Variants in IQCH observed in about 807,000 individuals in gnomAD.
The protein encoded by IQCH is IQ motif containing H, also known as IQ domain-containing protein H.
IQCH carries 98 observed loss-of-function variants against 117.0 expected under a neutral mutation model. That is an observed-to-expected ratio of 0.84 (90% confidence interval 0.71 to 0.99). IQCH has a LOEUF of 0.99. IQCH is among the 50% of genes least tolerant of loss of function. The pLI is 0.00. For missense variants in IQCH, 1,102 were observed against 1,243.8 expected, an observed-to-expected ratio of 0.89 and a Z score of 1.72; for synonymous variants, 412 against 448.2, an observed-to-expected ratio of 0.92 and a Z score of 1.02.
At chr15:67,468,035 T>TGACC (rs2082977116) in intron 17 of IQCH, among the ~76,000 whole-genome samples, 3 of 152,158 alleles carry the variant, frequency 2.0e-5, no homozygotes, top group Non-Finnish European at 4.4e-5. Flanking sequence ...AAAGAACCAC[T>TGACC]TGAAGGTGTA....
At chr15:67,351,004 G>A (rs1305758579) in intron 6 of IQCH, among the ~76,000 whole-genome samples, 2 of 152,190 alleles carry the variant, frequency 1.3e-5, no homozygotes, top group South Asian at 4.1e-4. Context: ...TACTGAATTA[G>A]AGTCTTGAAG....
chr15:67,257,836 A>G (rs974319758), intron 1 of IQCH, among the ~76,000 whole-genome samples: 2 of 152,268 alleles, frequency 1.3e-5, no homozygotes, highest in Non-Finnish European at 2.9e-5. Flanking sequence ...CAACAATTGT[A>G]TGTTAACAAT....
intron 16 of IQCH, among the ~76,000 whole-genome samples, chr15:67,423,596 A>C (rs1014701806): frequency 5.3e-5 from 8 of 151,028 alleles, no homozygotes; most frequent in African/African-American, 1.9e-4. Context: ...TCAAAAAAAA[A>C]AAAAAAAGAA....
In IQCH at chr15:67,344,095, C is replaced by T. The variant is rs1969282824; in HGVS notation, c.541C>T (p.Pro181Ser). Reference sequence around the variant, plus strand: ...AAGTATGATAGAACGAGGGCTGATTCCACCAACAGCAAGGATTACCTTTCA... The same window carrying T: ...AAGTATGATAGAACGAGGGCTGATTTCACCAACAGCAAGGATTACCTTTCA... ...ILSMIERGLI[P>S]PTARITFQNP... Residue 181 changes from proline to serine, a missense_variant, in exon 6 of 21, where the codon CCA (proline) becomes TCA (serine). By Grantham distance (74) the Pro-to-Ser change is moderately conservative. This residue lies in a region of IQCH where 452 missense variants were observed against 449.6 expected (regional missense o/e 1.01). Coordinates refer to ENST00000335894, the MANE Select transcript of IQCH (RefSeq NM_001031715.3). 5.6e-6 allele frequency: 9 copies of T among 1,612,796 alleles called. No homozygotes were observed. The highest frequency in any genetic ancestry group is 7.6e-6 in the Non-Finnish European group (9 of 1,179,028).
At position 67,395,682 on chromosome 15, in the gene IQCH, A is replaced by G. The variant is rs1357519167; in HGVS notation, c.1905+119A>G. ...CAATGAAGAATAGGTGGAATATTTG[A>G]GTTGATTTGAGGGAATCTACTTTAT... On this transcript the variant is annotated intron_variant, in intron 13 of 20. Transcript: ENST00000335894. This position sits in a 1 kb window ranked among gnomAD's most constrained non-coding sequence, Gnocchi z 4.0. 3.1e-6 allele frequency: 2 copies of G among 642,562 alleles called. No individual in the cohort carries two copies. The highest frequency in any genetic ancestry group is 2.9e-5 in the South Asian group (1 of 34,558). 39.8% of individuals were successfully genotyped at this position (642,562 alleles called of 1,614,324 possible). A position where few individuals can be genotyped will look rare whatever the true frequency, so the allele number is the denominator to read the frequency against.
chr15:67,329,845 CATAT>C (rs1160476860), intron 4 of IQCH, among the ~76,000 whole-genome samples: 10 of 149,986 alleles, frequency 6.7e-5, no homozygotes, highest in Admixed American at 2.7e-4. Flanking sequence ...CACACACACA[CATAT>C]ACACATATAT....
At position 67,467,060 on chromosome 15, in the gene IQCH, C is replaced by G. The variant is rs950882812; in HGVS notation, c.2676+1763C>G. 4.6e-5 allele frequency: 7 copies of G among 152,178 alleles called. No homozygotes were observed. The highest frequency in any genetic ancestry group is 1.7e-4 in the African/African-American group (7 of 41,378). The allele number at this position is 152,178 out of a possible 1,614,324, so 9.4% of individuals were successfully genotyped here. On this transcript the variant is annotated intron_variant, in intron 17 of 20. Transcript: ENST00000335894. The surrounding 1 kb of genome is among the most constrained non-coding windows in gnomAD (Gnocchi z 5.7). ...GCAACATGGCAAAACCCTGTCTCTA[C>G]AAAAATACAAAAATTAGCCGGGCAT... is the stretch of plus-strand genomic sequence containing the variant.
In IQCH at chr15:67,386,433, T is replaced by C. The variant is rs558229043; in HGVS notation, c.1456+1414T>C. On this transcript the variant is annotated intron_variant, in intron 11 of 20. Coordinates refer to ENST00000335894, the MANE Select transcript of IQCH (RefSeq NM_001031715.3). The surrounding 1 kb of genome is among the most constrained non-coding windows in gnomAD (Gnocchi z 5.0). Reference sequence around the variant, plus strand: ...AATGCTTTTTTCTTGGTATATAGTCTTCATGATATAGCAAGGCAATCATAA... The same window carrying C: ...AATGCTTTTTTCTTGGTATATAGTCCTCATGATATAGCAAGGCAATCATAA... Among the ~76,000 whole-genome samples the C allele has an allele frequency of 1.1e-4, 16 of 152,318 alleles. No homozygotes were observed. Among genetic ancestry groups the C allele is most frequent in the Non-Finnish European group, 2.1e-4 (14 of 68,028 alleles).
At position 67,490,238 on chromosome 15, in the gene IQCH, C is replaced by T. The variant is rs573253207; in HGVS notation, c.2861+174C>T. ...TCTATTTTTTTGAGACGGAGCCTCA[C>T]TCTGTCACCCAGGCTGGAGTGCAGT... On this transcript the variant is annotated intron_variant, in intron 19 of 20. Coordinates refer to ENST00000335894, the MANE Select transcript of IQCH (RefSeq NM_001031715.3). This position sits in a 1 kb window ranked among gnomAD's most constrained non-coding sequence, Gnocchi z 4.9. Among the ~76,000 whole-genome samples, 1 of 152,186 alleles carries T rather than the reference C, an allele frequency of 6.6e-6. No homozygotes were observed. Among genetic ancestry groups the T allele is most frequent in the Non-Finnish European group, 1.5e-5 (1 of 68,040 alleles).
At chr15:67,331,073 G>C (rs1001038174) in intron 4 of IQCH, among the ~76,000 whole-genome samples, 1 of 152,150 alleles carries the variant, frequency 6.6e-6, no homozygotes, top group South Asian at 2.1e-4. Context: ...AGAATGTCTG[G>C]ACAGAGCTAC....
At chr15:67,410,027 G>A (rs79867942) in intron 14 of IQCH, among the ~76,000 whole-genome samples, 190 of 152,080 alleles carry the variant, frequency 1.2e-3, no homozygotes, top group African/African-American at 4.5e-3. Context: ...CTCTAAAGAG[G>A]GACTATTTCT....
chr15:67,265,926 A>G (rs1171183173), intron 3 of IQCH, among the ~76,000 whole-genome samples: 1 of 152,196 alleles, frequency 6.6e-6, no homozygotes, highest in Non-Finnish European at 1.5e-5. Context: ...AAGTCCTTAG[A>G]ATATCCAAGT....
intron 16 of IQCH, among the ~76,000 whole-genome samples, chr15:67,429,473 G>A (rs866698496): frequency 1.6e-4 from 25 of 152,046 alleles, no homozygotes; most frequent in African/African-American, 4.6e-4. Context: ...AGCCATGATC[G>A]TGCCACTGCA....
intron 16 of IQCH, among the ~76,000 whole-genome samples, chr15:67,442,871 T>TATAC (rs1567193336): frequency 1.4e-3 from 141 of 98,520 alleles, no homozygotes; most frequent in African/African-American, 4.6e-3. Flanking sequence ...TAGATATACA[T>TATAC]ATATATATAT....
At position 67,404,142 on chromosome 15, in the gene IQCH, G is replaced by A. The variant is rs1467726094; in HGVS notation, c.2097+3837G>A. The A allele has an allele frequency of 6.6e-6, 1 of 152,158 alleles. No homozygotes were observed. Among genetic ancestry groups the A allele is most frequent in the Non-Finnish European group, 1.5e-5 (1 of 68,028 alleles). The allele number at this position is 152,158 out of a possible 1,614,324, so 9.4% of individuals were successfully genotyped here. ...GTCTGACATTTGATATTAATTTGGG[G>A]ATCACCAATGGAGAAAAAAACTAAT... On this transcript the variant is annotated intron_variant, in intron 14 of 20. Coordinates refer to ENST00000335894, the MANE Select transcript of IQCH (RefSeq NM_001031715.3). This position sits in a 1 kb window ranked among gnomAD's most constrained non-coding sequence, Gnocchi z 4.6.
chr15:67,400,422 A>C (rs1479933228), intron 14 of IQCH, 117 bp downstream of exon 14: 3 of 644,862 alleles, frequency 4.7e-6, no homozygotes, highest in Non-Finnish European at 8.1e-6. Flanking sequence ...GTCACCTGCC[A>C]GCAGTGCCTT....
At chr15:67,308,461 A>AAG (rs1211693611) in intron 4 of IQCH, among the ~76,000 whole-genome samples, 1 of 152,150 alleles carries the variant, frequency 6.6e-6, no homozygotes, top group Non-Finnish European at 1.5e-5. Context: ...AGTTGAACAA[A>AAG]AGGAAATAGC....
In IQCH at chr15:67,491,916, G is replaced by A. The variant is rs1317403240; in HGVS notation, c.2861+1852G>A. Among the ~76,000 whole-genome samples the A allele has an allele frequency of 1.3e-5, 2 of 152,120 alleles. No individual in the cohort carries two copies. Among genetic ancestry groups the A allele is most frequent in the African/African-American group, 4.8e-5 (2 of 41,406 alleles). Reference sequence around the variant, plus strand: ...CTCAGGAAGCTGCCACTCTAGAGGGGTGGGCATACAGTAAACAAGTAAACA... The same window carrying A: ...CTCAGGAAGCTGCCACTCTAGAGGGATGGGCATACAGTAAACAAGTAAACA... On this transcript the variant is annotated intron_variant, in intron 19 of 20. Transcript: ENST00000335894. The surrounding 1 kb of genome is among the most constrained non-coding windows in gnomAD (Gnocchi z 4.9).
rs141989899 is a variant in IQCH at position 67,373,062 on chromosome 15, T to C, written c.1306-305T>C. 2.6e-5 allele frequency among the ~76,000 whole-genome samples: 4 copies of C among 152,322 alleles called. No homozygotes were observed. In the East Asian group the frequency reaches 7.7e-4, roughly 29 times the overall value. On this transcript the variant is annotated intron_variant, in intron 9 of 20. Transcript: ENST00000335894. ...CTTGTCTACATTGCTGTCACCACTTTGTCAGAAAGTATTTAAGTTTGCAGA... is the reference window on the plus strand; with the variant it reads ...CTTGTCTACATTGCTGTCACCACTTCGTCAGAAAGTATTTAAGTTTGCAGA...
Sources: gnomAD v4.1 joint callset for allele counts (sites outside exome capture counted in the v4.1 genomes callset) on GRCh38, gnomAD v4.1.1 for gene constraint, gnomAD v4.1.1 regional missense constraint, Gnocchi (gnomAD v3.1) non-coding constraint, MANE v1.5 for transcripts, NCBI Gene and HGNC (gene_info 2026-07-23, HGNC 2026-07-21) for gene names.